The following RRBP1 variants were observed in gnomAD, a reference collection of about 807,000 sequenced individuals.
RRBP1 encodes the protein ribosome-binding protein 1.
A neutral mutation model predicts 165.2 loss-of-function variants in RRBP1; 94 were observed. That is an observed-to-expected ratio of 0.57 (90% confidence interval 0.48 to 0.68). The LOEUF (loss-of-function observed/expected upper bound fraction) is 0.68, where lower values mean the gene tolerates loss of function less well. Ranked by LOEUF, RRBP1 falls within the 30% of genes least tolerant of loss-of-function variation. RRBP1 has a pLI of 0.00. For synonymous variants in RRBP1, 680 were observed against 714.5 expected, an observed-to-expected ratio of 0.95 and a Z score of 0.77; for missense variants, 1,676 against 1,763.0, an observed-to-expected ratio of 0.95 and a Z score of 0.88.
chr20:17,677,472 A>G lies in RRBP1; in HGVS notation c.-22+2527T>C, dbSNP rs73898392. ...TTTATATTATTCTTTACAGAGTACT[A>G]ATACTAAGATGAGCCCACAAGTACA... On this transcript the variant is annotated intron_variant, in intron 2 of 24. Coordinates refer to ENST00000377813, the MANE Select transcript of RRBP1 (RefSeq NM_001365613.2). 9.5e-3 allele frequency among the ~76,000 whole-genome samples: 1,450 copies of G among 152,256 alleles called. 15 individuals carry two copies. The highest frequency in any genetic ancestry group is 0.032 in the African/African-American group (1,325 of 41,548).
At chr20:17,647,085 T>C (rs992540790) in intron 3 of RRBP1, among the ~76,000 whole-genome samples, 3 of 152,202 alleles carry the variant, frequency 2.0e-5, no homozygotes, top group Non-Finnish European at 4.4e-5. Context: ...AGGCTCCGGC[T>C]CAGCTCCAGC....
intron 21 of RRBP1, among the ~76,000 whole-genome samples, chr20:17,616,228 G>A (rs1429428934): frequency 3.9e-5 from 6 of 152,096 alleles, no homozygotes; most frequent in Non-Finnish European, 8.8e-5. Context: ...GGCCTTTAAC[G>A]AGACTCACAG....
At chr20:17,644,914 G>C (rs1158734042) in intron 3 of RRBP1, among the ~76,000 whole-genome samples, 2 of 152,232 alleles carry the variant, frequency 1.3e-5, no homozygotes, top group Admixed American at 6.5e-5. Context: ...TTTGTTTCTT[G>C]CTGGCCTTTT....
chr20:17,658,952 C>T lies in RRBP1; in HGVS notation c.1556G>A (p.Gly519Asp), dbSNP rs773900073. The T allele has an allele frequency of 9.3e-5, 150 of 1,612,726 alleles. No homozygotes were observed. The highest frequency in any genetic ancestry group is 1.2e-4 in the Non-Finnish European group (140 of 1,179,810). The part of the protein sequence containing the change: ...GQKGEGAQNQ[G>D]KKTEGAQGKK... ...GCCCTGAGCCCCTTCTGTCTTTTTA[C>T]CCTGATTCTGGGCTCCCTCTCCTTT... is the stretch of plus-strand genomic sequence containing the variant. The change falls in exon 3 of 25, where the codon GGT (glycine) becomes GAT (aspartate). Residue 519 changes from glycine to aspartate, a missense_variant. By Grantham distance (94) the Gly-to-Asp change is moderately conservative. Coordinates refer to ENST00000377813, the MANE Select transcript of RRBP1 (RefSeq NM_001365613.2).
chr20:17,624,771 C>T, intron 12 of RRBP1, 103 bp from the exon 13 acceptor site: 1 of 805,070 alleles, frequency 1.2e-6, no homozygotes, highest in Non-Finnish European at 2.0e-6. Flanking sequence ...CTTGATGCCA[C>T]CCTGGCCCAC....
intron 17 of RRBP1, 56 bp from the exon 18 acceptor site, chr20:17,620,426 C>T (rs533887041): frequency 1.3e-4 from 191 of 1,494,420 alleles, no homozygotes; most frequent in Non-Finnish European, 1.6e-4. Context: ...TGTCTCCTTC[C>T]GAGGCCATGC....
At chr20:17,631,303 AGCT>A (rs1202917753) in intron 8 of RRBP1, among the ~76,000 whole-genome samples, 5 of 152,354 alleles carry the variant, frequency 3.3e-5, no homozygotes, top group African/African-American at 1.2e-4. Context: ...AAAACACACC[AGCT>A]GCTGCTGCTT....
At chr20:17,655,255 C>T (rs2036626445) in intron 3 of RRBP1, among the ~76,000 whole-genome samples, 1 of 152,166 alleles carries the variant, frequency 6.6e-6, no homozygotes, top group Admixed American at 6.5e-5. Context: ...GCTGGAACTC[C>T]TGGGCTCAAG....
At chr20:17,618,507 G>A (rs2035844296) in intron 20 of RRBP1, 89 bp downstream of exon 20, 1 of 1,053,516 alleles carries the variant, frequency 9.5e-7, no homozygotes, top group Non-Finnish European at 1.5e-6. Context: ...TTATCTTTGA[G>A]TGGACACAAA....
chr20:17,663,397 T>C (rs941089530), intron 2 of RRBP1, among the ~76,000 whole-genome samples: 3 of 152,224 alleles, frequency 2.0e-5, no homozygotes, highest in African/African-American at 7.2e-5. Context: ...CGGGAGAATA[T>C]TTTTCCTTTG....
At chr20:17,668,838 C>T (rs1345416035) in intron 2 of RRBP1, among the ~76,000 whole-genome samples, 1 of 152,238 alleles carries the variant, frequency 6.6e-6, no homozygotes, top group South Asian at 2.1e-4. Context: ...GGTCAGCTCA[C>T]TGCAGGTCCC....
chr20:17,626,872 G>A (rs1253761291), intron 11 of RRBP1, among the ~76,000 whole-genome samples: 2 of 152,348 alleles, frequency 1.3e-5, no homozygotes, highest in East Asian at 3.9e-4. Context: ...CCTCACAGAT[G>A]GAGGAAAACA....
rs16999492 is a variant in RRBP1 at position 17,618,454 on chromosome 20, G to T, written c.3759+142C>A. The T allele has an allele frequency of 8.1e-3, 5,775 of 715,926 alleles. 228 individuals carry two copies. The African/African-American group carries it at 0.089, about 11-fold the overall frequency. 44.3% of individuals were successfully genotyped at this position (715,926 alleles called of 1,614,324 possible). On this transcript the variant is annotated intron_variant, in intron 20 of 24. Coordinates refer to ENST00000377813, the MANE Select transcript of RRBP1 (RefSeq NM_001365613.2). ...TGTGCAGGAAGGCCCCCAGAAGCCGGCCCCATGCTGCTCAACGGGTGACAC... is the reference window on the plus strand; with the variant it reads ...TGTGCAGGAAGGCCCCCAGAAGCCGTCCCCATGCTGCTCAACGGGTGACAC...
intron 3 of RRBP1, among the ~76,000 whole-genome samples, chr20:17,649,086 GTTC>G (rs1469339607): frequency 1.3e-5 from 2 of 152,142 alleles, no homozygotes; most frequent in African/African-American, 4.8e-5. Context: ...GGATGTTTTT[GTTC>G]TTCTTTAAAA....
chr20:17,623,758 C>T (rs2035958812), intron 13 of RRBP1, among the ~76,000 whole-genome samples: 1 of 152,102 alleles, frequency 6.6e-6, no homozygotes, highest in Non-Finnish European at 1.5e-5. Context: ...ATGGCAAAAC[C>T]CCATCTGTAC....
At chr20:17,657,216 A>T (rs1490192527) in intron 3 of RRBP1, among the ~76,000 whole-genome samples, 1 of 152,260 alleles carries the variant, frequency 6.6e-6, no homozygotes, top group Non-Finnish European at 1.5e-5. Flanking sequence ...GGCTGAGGCC[A>T]GAGCGTCTGG....
rs572246613 is a variant in RRBP1 at position 17,617,712 on chromosome 20, G to C, written c.3760-873C>G. 3.1e-3 allele frequency among the ~76,000 whole-genome samples: 477 copies of C among 152,350 alleles called. 2 individuals are homozygous for C. The highest frequency in any genetic ancestry group is 0.01 in the African/African-American group (434 of 41,582). On this transcript the variant is annotated intron_variant, in intron 20 of 24. Coordinates refer to ENST00000377813, the MANE Select transcript of RRBP1 (RefSeq NM_001365613.2). ...GCACTGCCCTCTGGTGTTCTGGTCC[G>C]GGTAAGACCTGAATGACCAAGGGGG...
chr20:17,651,912 G>C (rs1224126410), intron 3 of RRBP1, among the ~76,000 whole-genome samples: 1 of 152,196 alleles, frequency 6.6e-6, no homozygotes, highest in African/African-American at 2.4e-5. Flanking sequence ...CTCCAGCCTG[G>C]GTCTGCAAAA....
At chr20:17,676,190 T>C (rs945600043) in intron 2 of RRBP1, among the ~76,000 whole-genome samples, 1 of 152,044 alleles carries the variant, frequency 6.6e-6, no homozygotes, top group Non-Finnish European at 1.5e-5. Flanking sequence ...GCCTGGGTGA[T>C]AGAACAAGAC....
Sources: gnomAD v4.1 joint callset for allele counts (sites outside exome capture counted in the v4.1 genomes callset) on GRCh38, gnomAD v4.1.1 for gene constraint, MANE v1.5 for transcripts, NCBI Gene and HGNC (gene_info 2026-07-23, HGNC 2026-07-21) for gene names.